Variants in C2CD2 observed in about 807,000 individuals in gnomAD.
The protein encoded by C2CD2 is C2 domain-containing protein 2.
A neutral mutation model predicts 74.3 loss-of-function variants in C2CD2; 43 were observed. That is an observed-to-expected ratio of 0.58 (90% CI 0.45 to 0.75). The LOEUF is 0.75. Among genes scored for constraint, C2CD2 ranks in the 30% least tolerant of loss-of-function variants. C2CD2 has a pLI of 0.00. For synonymous variants in C2CD2, 422 were observed against 390.7 expected (o/e 1.08, Z -0.94); for missense variants, 801 against 916.3 (o/e 0.87, Z 1.63).
At position 41,953,738 on chromosome 21, in the gene C2CD2, C is replaced by G; in HGVS notation, c.-90G>C. On this transcript the variant is annotated 5_prime_UTR_variant, in exon 1 of 14. Coordinates refer to ENST00000380486, the MANE Select transcript of C2CD2 (RefSeq NM_015500.2). Reference sequence around the variant, plus strand: ...GGACACGCGCTGGCTGCGGCCACAGCGCGCTGGGGGCGTGGAGGGGGCGCG... The same window carrying G: ...GGACACGCGCTGGCTGCGGCCACAGGGCGCTGGGGGCGTGGAGGGGGCGCG... 1 of 1,201,472 alleles carries G rather than the reference C, an allele frequency of 8.3e-7. No homozygotes were observed. Among genetic ancestry groups the G allele is most frequent in the Admixed American group, 4.3e-5 (1 of 23,108 alleles). 74.4% of individuals were successfully genotyped at this position (1,201,472 alleles called of 1,614,324 possible). A position where few individuals can be genotyped will look rare whatever the true frequency, so the allele number is the denominator to read the frequency against.
chr21:41,914,522 G>A (rs2065065330), intron 6 of C2CD2, 76 bp downstream of exon 6: 1 of 1,366,072 alleles, frequency 7.3e-7, no homozygotes, highest in African/African-American at 1.5e-5. Flanking sequence ...GAGAATCCAA[G>A]GCCCCCCGGA....
chr21:41,910,814 T>C (rs1468940789), intron 7 of C2CD2, among the ~76,000 whole-genome samples: 1 of 152,252 alleles, frequency 6.6e-6, no homozygotes, highest in Admixed American at 6.5e-5. Flanking sequence ...TGATTATGTC[T>C]ATTAGTTTTT....
rs1277666245 is a variant in C2CD2, at chr21:41,929,664, C to A, written c.379-7579G>T. On this transcript the variant is annotated intron_variant, in intron 2 of 13. Transcript: ENST00000380486. The surrounding 1 kb of genome is among the most constrained non-coding windows in gnomAD (Gnocchi z 4.6). ...ACTTAGAAATGAAACTGAAAACAGACAACTAAAGCATGTCCAGGACTCCTG... is the reference window on the plus strand; with the variant it reads ...ACTTAGAAATGAAACTGAAAACAGAAAACTAAAGCATGTCCAGGACTCCTG... Among the ~76,000 whole-genome samples the A allele has an allele frequency of 2.0e-5, 3 of 152,208 alleles. No individual in the cohort carries two copies. Among genetic ancestry groups the A allele is most frequent in the Non-Finnish European group, 4.4e-5 (3 of 68,036 alleles).
At chr21:41,893,132 A>T (rs979949708) in intron 13 of C2CD2, among the ~76,000 whole-genome samples, 20 of 152,170 alleles carry the variant, frequency 1.3e-4, no homozygotes, top group Admixed American at 5.9e-4. Flanking sequence ...ACACAGCAAG[A>T]CCCCATCTCT....
rs1387999505 is a variant in C2CD2 at position 41,937,667 on chromosome 21, C to T, written c.378+4480G>A. On this transcript the variant is annotated intron_variant, in intron 2 of 13. Transcript: ENST00000380486. ...AAAATCAGTATGTTGAAAAGATACC[C>T]AGAGCATTATTCAAAACAGCCAAGA... is the stretch of plus-strand genomic sequence containing the variant. Among the ~76,000 whole-genome samples, 23 of 152,120 alleles carry T rather than the reference C, an allele frequency of 1.5e-4. 1 individual carries two copies. Among genetic ancestry groups the T allele is most frequent in the Admixed American group, 1.5e-3 (23 of 15,274 alleles).
At position 41,899,641 on chromosome 21, in the gene C2CD2, G is replaced by A. The variant is rs1347099852; in HGVS notation, c.1561-279C>T. Among the ~76,000 whole-genome samples, 2 of 152,120 alleles carry A rather than the reference G, an allele frequency of 1.3e-5. No individual in the cohort carries two copies. Among genetic ancestry groups the A allele is most frequent in the African/African-American group, 4.8e-5 (2 of 41,424 alleles). The stretch of plus-strand genomic sequence containing the variant: ...CCTCTTCCTCTCACAGATGGGCCTA[G>A]CGGTGGGAGCGTTTGTGGCAAGCTG... On this transcript the variant is annotated intron_variant, in intron 12 of 13. Transcript: ENST00000380486. The surrounding 1 kb of genome is among the most constrained non-coding windows in gnomAD (Gnocchi z 4.4).
chr21:41,919,362 C>T (rs898492681), intron 3 of C2CD2, among the ~76,000 whole-genome samples: 1 of 152,216 alleles, frequency 6.6e-6, no homozygotes, highest in African/African-American at 2.4e-5. Context: ...ACTTGGCATA[C>T]AATGTGCTTT....
Position 41,907,022 on chromosome 21 carries a change from C to G in C2CD2, c.1288G>C (p.Asp430His), listed in dbSNP as rs147786051. Residue 430 changes from aspartate to histidine, a missense_variant, in exon 10 of 14, where the codon GAC becomes CAC. Coordinates refer to ENST00000380486, the MANE Select transcript of C2CD2 (RefSeq NM_015500.2). ...VTAVKTKPRVDVGRASPLSSD... is the reference protein window; with the variant it reads ...VTAVKTKPRVHVGRASPLSSD... ...CTCAGCGGGGACGCCCTCCCCACGT[C>G]GACGCGAGGCTTGGTCTTCACAGCA... 1.9e-6 allele frequency: 3 copies of G among 1,613,916 alleles called. No homozygotes were observed. Among genetic ancestry groups the G allele is most frequent in the African/African-American group, 2.7e-5 (2 of 74,888 alleles).
At chr21:41,906,848 G>A in intron 10 of C2CD2, 144 bp downstream of exon 10, 1 of 607,838 alleles carries the variant, frequency 1.6e-6, no homozygotes, top group Non-Finnish European at 2.9e-6. Flanking sequence ...AAGCACAAGT[G>A]TGGCCAATTA....
At position 41,939,317 on chromosome 21, in the gene C2CD2, A is replaced by T. The variant is rs2065335854; in HGVS notation, c.378+2830T>A. Among the ~76,000 whole-genome samples the T allele has an allele frequency of 6.6e-6, 1 of 152,186 alleles. No individual in the cohort carries two copies. Among genetic ancestry groups the T allele is most frequent in the South Asian group, 2.1e-4 (1 of 4,832 alleles). On this transcript the variant is annotated intron_variant, in intron 2 of 13. Transcript: ENST00000380486. The surrounding 1 kb of genome is among the most constrained non-coding windows in gnomAD (Gnocchi z 5.5). ...GTAAGGCCACTTTTCTGGCAATATG[A>T]AGTTTTTTTAAAGATGGAGTCTTGC...
At position 41,899,477 on chromosome 21, in the gene C2CD2, G is replaced by A. The variant is rs2064866691; in HGVS notation, c.1561-115C>T. 2 of 1,040,786 alleles carry A rather than the reference G, an allele frequency of 1.9e-6. No individual in the cohort carries two copies. Among genetic ancestry groups the A allele is most frequent in the Middle Eastern group, 2.3e-4 (1 of 4,434 alleles). The allele number at this position is 1,040,786 out of a possible 1,614,324, so 64.5% of individuals were successfully genotyped here. ...GACAGCTGATTTCAAAGTCTCAGAA[G>A]ATGCAGCCGTGGGCCTCATAGAAGG... On this transcript the variant is annotated intron_variant, in intron 12 of 13. Transcript: ENST00000380486. The surrounding 1 kb of genome is among the most constrained non-coding windows in gnomAD (Gnocchi z 4.4).
At chr21:41,909,603 T>C in intron 7 of C2CD2, 80 bp from the exon 8 acceptor site, 1 of 985,336 alleles carries the variant, frequency 1.0e-6, no homozygotes, top group Non-Finnish European at 1.6e-6. Flanking sequence ...TTTTTCTGAT[T>C]ATAGAAAGGA....
In C2CD2 at chr21:41,899,406, A is replaced by G; in HGVS notation, c.1561-44T>C. ...AAGATGACAAGGGATACATGAAAGG[A>G]AGGGAGGGTTTGAAAAGAACTGAAA... On this transcript the variant is annotated intron_variant, in intron 12 of 13. Coordinates refer to ENST00000380486, the MANE Select transcript of C2CD2 (RefSeq NM_015500.2). This position sits in a 1 kb window ranked among gnomAD's most constrained non-coding sequence, Gnocchi z 4.4. 4 of 1,561,712 alleles carry G rather than the reference A, an allele frequency of 2.6e-6. No individual in the cohort carries two copies. Among genetic ancestry groups the G allele is most frequent in the Non-Finnish European group, 3.5e-6 (4 of 1,150,734 alleles).
At position 41,885,778 on chromosome 21, in the gene C2CD2, C is replaced by T. The variant is rs1021528465; in HGVS notation, c.*3346G>A. 6.6e-6 allele frequency: 1 copy of T among 152,328 alleles called. No homozygotes were observed. The highest frequency in any genetic ancestry group is 1.5e-5 in the Non-Finnish European group (1 of 68,046). 9.4% of individuals were successfully genotyped at this position (152,328 alleles called of 1,614,324 possible). A position where few individuals can be genotyped will look rare whatever the true frequency, so the allele number is the denominator to read the frequency against. ...TCCCTCTCTGCTCAAAGCAACTTTG[C>T]AACTCTCGTCTATAGAGGTGGCCAG... On this transcript the variant is annotated 3_prime_UTR_variant, in exon 14 of 14. Coordinates refer to ENST00000380486, the MANE Select transcript of C2CD2 (RefSeq NM_015500.2).
At chr21:41,927,444 C>G (rs1027281158) in intron 2 of C2CD2, among the ~76,000 whole-genome samples, 2 of 151,950 alleles carry the variant, frequency 1.3e-5, no homozygotes, top group Non-Finnish European at 2.9e-5. Context: ...AGGCGGGAAC[C>G]ACCGCACCGG....
In C2CD2 at chr21:41,918,955, C is replaced by T. The variant is rs143816429; in HGVS notation, c.498G>A (p.Glu166=). ...MRLSPFHLQL[E]FHMKEKREDL... ...CCTCTCTCTTCTCCTTCATGTGGAA[C>T]TCCAGCTATTAAAAAACAAGTTATT... The change falls in exon 4 of 14, where the codon GAG becomes GAA. Residue 166 remains glutamate (E), a synonymous_variant. Transcript: ENST00000380486. 304 of 1,613,110 alleles carry T rather than the reference C, an allele frequency of 1.9e-4. 8 individuals are homozygous for T. The Middle Eastern group carries it at 7.9e-3, about 42-fold the overall frequency.
intron 3 of C2CD2, among the ~76,000 whole-genome samples, chr21:41,919,601 G>A (rs754282043): frequency 4.6e-5 from 7 of 152,268 alleles, no homozygotes; most frequent in Non-Finnish European, 8.8e-5. Context: ...GGCCCAGGGC[G>A]CCTCATTCTA....
chr21:41,903,732 G>A lies in C2CD2; in HGVS notation c.1433-1983C>T, dbSNP rs575792608. ...CTTCTGTTCAGTCCCCCGAGAGCCC[G>A]GTCCAGGTGCCAGGTGCAGCCTGCA... is the stretch of plus-strand genomic sequence containing the variant. On this transcript the variant is annotated intron_variant, in intron 11 of 13. Transcript: ENST00000380486. The surrounding 1 kb of genome is among the most constrained non-coding windows in gnomAD (Gnocchi z 4.5). 3.9e-5 allele frequency among the ~76,000 whole-genome samples: 6 copies of A among 152,212 alleles called. No individual in the cohort carries two copies. The highest frequency in any genetic ancestry group is 2.6e-4 in the Admixed American group (4 of 15,294).
intron 9 of C2CD2, 58 bp from the exon 10 acceptor site, chr21:41,907,224 G>C: frequency 7.2e-7 from 1 of 1,382,558 alleles, no homozygotes; most frequent in Non-Finnish European, 1.0e-6. Flanking sequence ...AGGCTGATCA[G>C]CCAGGTAACA....
Sources: gnomAD v4.1 joint callset for allele counts (sites outside exome capture counted in the v4.1 genomes callset) on GRCh38, gnomAD v4.1.1 for gene constraint, Gnocchi (gnomAD v3.1) non-coding constraint, MANE v1.5 for transcripts, NCBI Gene and HGNC (gene_info 2026-07-23, HGNC 2026-07-21) for gene names.